CNTN5: variants seen among roughly 807,000 people sequenced by gnomAD.
CNTN5 encodes the protein contactin 5.
In CNTN5, 77 loss-of-function variants were observed where a neutral mutation model predicts 129.1. The ratio of observed to expected loss-of-function variants is 0.60; its 90% CI spans 0.50 to 0.72. The LOEUF (loss-of-function observed/expected upper bound fraction) is 0.72, where lower values mean the gene tolerates loss of function less well. Among genes scored for constraint, CNTN5 ranks in the 30% least tolerant of loss-of-function variants. CNTN5 has a pLI of 0.00. For synonymous variants in CNTN5, 509 were observed against 465.6 expected (o/e 1.09, Z -1.20); for missense variants, 1,478 against 1,328.8 (o/e 1.11, Z -1.75).
intron 3 of CNTN5, among the ~76,000 whole-genome samples, chr11:99,803,197 G>A (rs1241816538): frequency 6.6e-6 from 1 of 152,192 alleles, no homozygotes; most frequent in African/African-American, 2.4e-5. Context: ...CCTGAGCATG[G>A]AGTAGAGAGG....
intron 1 of CNTN5, among the ~76,000 whole-genome samples, chr11:99,210,722 G>GTTATA (rs1859729967): frequency 6.6e-6 from 1 of 152,014 alleles, no homozygotes; most frequent in Non-Finnish European, 1.5e-5. Flanking sequence ...TAAATGTTAT[G>GTTATA]TTTAGCTGTT....
chr11:99,518,821 T>C (rs1947159801), intron 2 of CNTN5, among the ~76,000 whole-genome samples: 1 of 152,046 alleles, frequency 6.6e-6, no homozygotes, highest in Non-Finnish European at 1.5e-5. Flanking sequence ...AACTTTTACA[T>C]TGTCTACCTC....
chr11:99,802,969 T>A (rs1037451668), intron 3 of CNTN5, among the ~76,000 whole-genome samples: 14 of 152,124 alleles, frequency 9.2e-5, no homozygotes, highest in African/African-American at 3.4e-4. Context: ...TGCCTAGGCA[T>A]GGAGTGGAGA....
chr11:99,948,183 G>A (rs1950594837), intron 7 of CNTN5, among the ~76,000 whole-genome samples: 1 of 152,134 alleles, frequency 6.6e-6, no homozygotes, highest in Non-Finnish European at 1.5e-5. Context: ...TATTATCTGT[G>A]CGACTTTTCA....
intron 2 of CNTN5, among the ~76,000 whole-genome samples, chr11:99,507,147 G>A (rs1329155953): frequency 6.6e-6 from 1 of 151,838 alleles, no homozygotes; most frequent in Non-Finnish European, 1.5e-5. Flanking sequence ...GGAGGCCGAG[G>A]CAGGCAGATC....
intron 8 of CNTN5, among the ~76,000 whole-genome samples, chr11:99,962,594 T>A (rs10791068): frequency 1.3e-5 from 2 of 150,232 alleles, no homozygotes; most frequent in South Asian, 2.1e-4. Flanking sequence ...TCTTTGCTAT[T>A]GTGAATAATG....
At chr11:99,969,914 A>T (rs1951203110) in intron 8 of CNTN5, among the ~76,000 whole-genome samples, 1 of 152,146 alleles carries the variant, frequency 6.6e-6, no homozygotes, top group South Asian at 2.1e-4. Context: ...TGATATTTTT[A>T]AATATTTTTT....
At chr11:99,471,148 C>CG (rs1945155825) in intron 2 of CNTN5, among the ~76,000 whole-genome samples, 2 of 69,922 alleles carry the variant, frequency 2.9e-5, no homozygotes, top group Admixed American at 1.2e-4. Flanking sequence ...AGTAATGTTG[C>CG]TAAAAAAAAA....
chr11:99,417,373 C>T (rs1942705349), intron 2 of CNTN5, among the ~76,000 whole-genome samples: 1 of 151,986 alleles, frequency 6.6e-6, no homozygotes, highest in Non-Finnish European at 1.5e-5. Flanking sequence ...GAAGAAATTG[C>T]TAAGTATAAA....
intron 1 of CNTN5, among the ~76,000 whole-genome samples, chr11:99,290,516 G>T (rs1238363912): frequency 6.6e-6 from 1 of 151,788 alleles, no homozygotes; most frequent in Non-Finnish European, 1.5e-5. Flanking sequence ...GACAGAGGTG[G>T]TGTTTCATTT....
At chr11:99,906,550 A>G (rs10736579) in intron 6 of CNTN5, among the ~76,000 whole-genome samples, 148,733 of 152,320 alleles carry the variant, frequency 0.98, 72,682 homozygotes, top group Non-Finnish European at 0.99. Flanking sequence ...TGGTTTGCCA[A>G]TGTTTTATTG....
At chr11:99,160,658 G>A (rs1174462781) in intron 1 of CNTN5, among the ~76,000 whole-genome samples, 23 of 152,120 alleles carry the variant, frequency 1.5e-4, no homozygotes, top group Admixed American at 1.5e-3. Flanking sequence ...TTGCCATCTA[G>A]TGATGACAGA....
intron 2 of CNTN5, among the ~76,000 whole-genome samples, chr11:99,532,323 A>G (rs577062009): frequency 5.9e-5 from 9 of 151,998 alleles, no homozygotes; most frequent in Non-Finnish European, 1.2e-4. Context: ...CCTGTACCCC[A>G]TTGTTTCTAG....
chr11:99,458,076 T>C (rs1236621192), intron 2 of CNTN5, among the ~76,000 whole-genome samples: 1 of 151,944 alleles, frequency 6.6e-6, no homozygotes, highest in Non-Finnish European at 1.5e-5. Context: ...TATATTTAAA[T>C]TGTGACAAAT....
At chr11:99,373,799 A>C (rs1221299635) in intron 2 of CNTN5, among the ~76,000 whole-genome samples, 1 of 151,874 alleles carries the variant, frequency 6.6e-6, no homozygotes, top group African/African-American at 2.4e-5. Context: ...TAATATATAC[A>C]ATTATTTCAT....
chr11:100,335,704 G>T (rs919860213), intron 21 of CNTN5, among the ~76,000 whole-genome samples: 2 of 151,668 alleles, frequency 1.3e-5, no homozygotes, highest in Non-Finnish European at 2.9e-5. Flanking sequence ...GGAGCTGGAG[G>T]TTGCAGTGAG....
At chr11:99,204,330 A>T in intron 1 of CNTN5, among the ~76,000 whole-genome samples, 1 of 152,198 alleles carries the variant, frequency 6.6e-6, no homozygotes, top group East Asian at 1.9e-4. Flanking sequence ...ACCCCAAATT[A>T]ATATAGTGTA....
At chr11:100,288,488 C>A (rs1370915245) in intron 18 of CNTN5, among the ~76,000 whole-genome samples, 2 of 152,170 alleles carry the variant, frequency 1.3e-5, no homozygotes, top group Admixed American at 1.3e-4. Flanking sequence ...GGAAACTGAA[C>A]AACCTGCTCC....
At chr11:99,419,080 T>C (rs1245611372) in intron 2 of CNTN5, among the ~76,000 whole-genome samples, 1 of 152,166 alleles carries the variant, frequency 6.6e-6, no homozygotes, top group Admixed American at 6.5e-5. Flanking sequence ...ACTAAGCAAG[T>C]GCCAAAGTAA....
Sources: gnomAD v4.1 joint callset for allele counts (sites outside exome capture counted in the v4.1 genomes callset) on GRCh38, gnomAD v4.1.1 for gene constraint, MANE v1.5 for transcripts, NCBI Gene and HGNC (gene_info 2026-07-23, HGNC 2026-07-21) for gene names.